Variants in GRID2 observed in about 807,000 individuals in gnomAD.
GRID2 encodes glutamate receptor ionotropic, delta-2.
In GRID2, 33 loss-of-function variants were observed where a neutral mutation model predicts 114.8. The ratio of observed to expected loss-of-function variants is 0.29; its 90% CI spans 0.22 to 0.38. The LOEUF (loss-of-function observed/expected upper bound fraction) is 0.38. Among genes scored for constraint, GRID2 ranks in the 10% least tolerant of loss-of-function variants. GRID2 has a pLI of 1.00. For synonymous variants in GRID2, 505 were observed against 449.9 expected (o/e 1.12, Z -1.55); for missense variants, 1,184 against 1,257.7 (o/e 0.94, Z 0.89).
intron 14 of GRID2, among the ~76,000 whole-genome samples, chr4:93,684,746 G>A (rs1236433561): frequency 6.6e-6 from 1 of 152,050 alleles, no homozygotes; most frequent in African/African-American, 2.4e-5. Flanking sequence ...GAGGAACACA[G>A]TATCTATTGT....
At chr4:92,852,120 T>A (rs1743854292) in intron 2 of GRID2, among the ~76,000 whole-genome samples, 1 of 151,776 alleles carries the variant, frequency 6.6e-6, no homozygotes, top group Non-Finnish European at 1.5e-5. Flanking sequence ...TTAAAGACAA[T>A]CTCGGGTAAG....
At chr4:92,380,255 A>G (rs1454786887) in intron 1 of GRID2, among the ~76,000 whole-genome samples, 1 of 151,654 alleles carries the variant, frequency 6.6e-6, no homozygotes, top group Non-Finnish European at 1.5e-5. Flanking sequence ...ATCTTTTAGG[A>G]GAAAGAGTAC....
intron 8 of GRID2, among the ~76,000 whole-genome samples, chr4:93,273,507 A>G (rs1027746446): frequency 1.3e-5 from 2 of 151,732 alleles, no homozygotes; most frequent in Non-Finnish European, 2.9e-5. Context: ...AAACCTATGC[A>G]TATGTTACAT....
intron 2 of GRID2, among the ~76,000 whole-genome samples, chr4:92,683,975 T>C (rs955931271): frequency 1.3e-5 from 2 of 151,988 alleles, no homozygotes; most frequent in African/African-American, 4.8e-5. Flanking sequence ...AATTAGGCTG[T>C]GATTAACTTA....
chr4:93,416,348 G>C (rs1048990552), intron 9 of GRID2, among the ~76,000 whole-genome samples: 10 of 152,034 alleles, frequency 6.6e-5, no homozygotes, highest in African/African-American at 2.4e-4. Context: ...CAAAATATAA[G>C]CTCACACCAT....
At chr4:92,654,092 G>T (rs1016808026) in intron 2 of GRID2, among the ~76,000 whole-genome samples, 2 of 152,012 alleles carry the variant, frequency 1.3e-5, no homozygotes, top group African/African-American at 4.8e-5. Flanking sequence ...ATGTTTTAGT[G>T]ATCTTGGGTG....
chr4:93,543,234 A>T (rs546934192), intron 13 of GRID2, among the ~76,000 whole-genome samples: 1 of 152,356 alleles, frequency 6.6e-6, no homozygotes, highest in African/African-American at 2.4e-5. Context: ...ACTCTCAGAC[A>T]GTTTGAAGGC....
intron 11 of GRID2, among the ~76,000 whole-genome samples, chr4:93,467,140 G>T (rs954970001): frequency 6.6e-6 from 1 of 152,156 alleles, no homozygotes; most frequent in Non-Finnish European, 1.5e-5. Context: ...GAAAATCAAA[G>T]TTCATGATAG....
intron 2 of GRID2, among the ~76,000 whole-genome samples, chr4:93,020,024 C>T (rs1723133520): frequency 6.6e-6 from 1 of 152,120 alleles, no homozygotes; most frequent in Admixed American, 6.6e-5. Context: ...TGACACTGGA[C>T]ATGATATTTG....
chr4:93,467,328 C>A (rs746578240), intron 11 of GRID2, among the ~76,000 whole-genome samples: 2 of 151,986 alleles, frequency 1.3e-5, no homozygotes, highest in Non-Finnish European at 2.9e-5. Flanking sequence ...GTTTTAATAC[C>A]GATTTTGCTG....
chr4:93,776,818 CT>C (rs1220184360), downstream of GRID2, among the ~76,000 whole-genome samples: 16 of 152,288 alleles, frequency 1.1e-4, no homozygotes, highest in African/African-American at 3.8e-4. Flanking sequence ...ACCCTTCATC[CT>C]TATTGATACT....
intron 2 of GRID2, among the ~76,000 whole-genome samples, chr4:92,726,099 A>G (rs1274167040): frequency 6.6e-6 from 1 of 152,174 alleles, no homozygotes; most frequent in Non-Finnish European, 1.5e-5. Context: ...AGATCTACTC[A>G]TCTTGTATTT....
intron 1 of GRID2, among the ~76,000 whole-genome samples, chr4:92,363,819 C>CTTTT (rs11342142): frequency 1.6e-5 from 2 of 124,096 alleles, no homozygotes; most frequent in Non-Finnish European, 1.7e-5. Context: ...ATTAAGTTTA[C>CTTTT]TTTTTTTTTT....
chr4:92,833,659 C>G (rs989809222), intron 2 of GRID2: 1 of 152,058 alleles, frequency 6.6e-6, no homozygotes, highest in African/African-American at 2.4e-5. Flanking sequence ...TCTACCATAC[C>G]CTAAAATATT....
chr4:92,968,491 T>C (rs1753296319), intron 2 of GRID2, among the ~76,000 whole-genome samples: 1 of 151,906 alleles, frequency 6.6e-6, no homozygotes, highest in African/African-American at 2.4e-5. Flanking sequence ...AAAATATAAA[T>C]ATATGCAGAA....
At chr4:93,110,456 C>T (rs1732657215) in intron 3 of GRID2, among the ~76,000 whole-genome samples, 2 of 152,232 alleles carry the variant, frequency 1.3e-5, no homozygotes, top group African/African-American at 4.8e-5. Flanking sequence ...GGGCATCTCT[C>T]CAACCATCTC....
rs182643337 is a variant in GRID2 at position 92,792,881 on chromosome 4, C to G, written c.244+202595C>G. Among the ~76,000 whole-genome samples the G allele has an allele frequency of 1.5e-3, 227 of 147,394 alleles. 1 individual carries two copies. The highest frequency in any genetic ancestry group is 5.4e-3 in the African/African-American group (212 of 39,236). ...AAATATTTAATTCCAGGACCAGCGA[C>G]TCATAATATCCATTTTTTTTTTTTT... On this transcript the variant is annotated intron_variant, in intron 2 of 15. Transcript: ENST00000282020.
At chr4:93,549,767 C>A (rs1050513330) in intron 13 of GRID2, among the ~76,000 whole-genome samples, 13 of 152,076 alleles carry the variant, frequency 8.5e-5, no homozygotes, top group Non-Finnish European at 4.4e-5. Flanking sequence ...ATTAAGGAAA[C>A]CAAATGTGTC....
At chr4:92,971,336 G>T (rs17020045) in intron 2 of GRID2, among the ~76,000 whole-genome samples, 2 of 151,800 alleles carry the variant, frequency 1.3e-5, no homozygotes, top group Non-Finnish European at 1.5e-5. Context: ...AGATTTTTAT[G>T]TTGCAATCAA....
Sources: gnomAD v4.1 joint callset for allele counts (sites outside exome capture counted in the v4.1 genomes callset) on GRCh38, gnomAD v4.1.1 for gene constraint, MANE v1.5 for transcripts, NCBI Gene and HGNC (gene_info 2026-07-23, HGNC 2026-07-21) for gene names.